The following TINAG variants were observed in gnomAD, a reference collection of about 807,000 sequenced individuals.
TINAG encodes tubulointerstitial nephritis antigen.
A neutral mutation model predicts 72.7 loss-of-function variants in TINAG; 83 were observed. The ratio of observed to expected loss-of-function variants is 1.14; its 90% CI spans 0.96 to 1.37. The LOEUF is 1.37. Ranked by LOEUF, TINAG falls within the 40% of genes most tolerant of loss-of-function variation. The pLI, the probability that TINAG is intolerant of heterozygous loss-of-function variation, is 0.00. For synonymous variants in TINAG, 234 were observed against 189.9 expected (o/e 1.23, Z -1.91); for missense variants, 685 against 576.6 (o/e 1.19, Z -1.93).
chr6:54,317,233 G>T (rs192109416), intron 1 of TINAG, among the ~76,000 whole-genome samples: 2 of 149,102 alleles, frequency 1.3e-5, no homozygotes, highest in African/African-American at 5.0e-5. Context: ...ATTCTCTCTC[G>T]CTTTCTTGCT....
At chr6:54,363,482 G>T (rs140489656) in intron 9 of TINAG, among the ~76,000 whole-genome samples, 1 of 151,342 alleles carries the variant, frequency 6.6e-6, no homozygotes, top group Non-Finnish European at 1.5e-5. Flanking sequence ...ATGGGGCATG[G>T]TGAAGGAGAA....
upstream of TINAG, chr6:54,308,161 A>G (rs2297982): frequency 0.055 from 83,627 of 1,533,872 alleles, 4,944 homozygotes; most frequent in East Asian, 0.29. Flanking sequence ...TGGTTATTAC[A>G]GCCATAATCT....
At chr6:54,360,533 A>T (rs1763194223) in intron 9 of TINAG, among the ~76,000 whole-genome samples, 1 of 151,614 alleles carries the variant, frequency 6.6e-6, no homozygotes. Context: ...CCACATCTCC[A>T]TGCCCATTAG....
chr6:54,380,175 C>T (rs531852529), intron 9 of TINAG, among the ~76,000 whole-genome samples: 1 of 152,180 alleles, frequency 6.6e-6, no homozygotes, highest in East Asian at 1.9e-4. Flanking sequence ...TCCAGTCTAT[C>T]ATTGATGGGC....
chr6:54,355,500 C>T (rs147601295), intron 9 of TINAG, among the ~76,000 whole-genome samples: 1 of 151,826 alleles, frequency 6.6e-6, no homozygotes, highest in South Asian at 2.1e-4. Context: ...GACAAGCTGT[C>T]CTGTGTGATG....
rs549534426 is a variant in TINAG, at chr6:54,321,877, C to T, written c.509+491C>T. ...TGTCACTTACGGTTGAATCAAAAGA[C>T]AGATTGAGCTACTTTACTTTGCTAG... On this transcript the variant is annotated intron_variant, in intron 3 of 10. Transcript: ENST00000259782. Among the ~76,000 whole-genome samples the T allele has an allele frequency of 2.6e-5, 4 of 152,218 alleles. No individual in the cohort carries two copies. The East Asian group carries it at 5.8e-4, about 22-fold the overall frequency.
At chr6:54,314,947 G>A (rs1288764234) in intron 1 of TINAG, among the ~76,000 whole-genome samples, 1 of 152,100 alleles carries the variant, frequency 6.6e-6, no homozygotes, top group Non-Finnish European at 1.5e-5. Context: ...GTTCACATTA[G>A]ACTATAAATG....
chr6:54,326,398 AT>A (rs1215605279), intron 3 of TINAG, among the ~76,000 whole-genome samples: 1 of 151,884 alleles, frequency 6.6e-6, no homozygotes, highest in Non-Finnish European at 1.5e-5. Flanking sequence ...TACCTTGTCA[AT>A]TTCTTTTCAA....
intron 9 of TINAG, among the ~76,000 whole-genome samples, chr6:54,376,753 T>C (rs1157119094): frequency 6.6e-6 from 1 of 152,168 alleles, no homozygotes; most frequent in East Asian, 1.9e-4. Context: ...TTTAATACCT[T>C]ACTCTGCAGG....
At chr6:54,349,678 C>T in intron 6 of TINAG, 38 bp from the exon 7 acceptor site, 1 of 1,479,038 alleles carries the variant, frequency 6.8e-7, no homozygotes, top group Middle Eastern at 1.8e-4. Context: ...CGACATTCTC[C>T]TAAATATTAC....
chr6:54,357,667 A>G (rs1156401027), intron 9 of TINAG, among the ~76,000 whole-genome samples: 1 of 151,810 alleles, frequency 6.6e-6, no homozygotes, highest in Non-Finnish European at 1.5e-5. Flanking sequence ...TGGCCCTTTC[A>G]ACGTATATCC....
intron 9 of TINAG, among the ~76,000 whole-genome samples, chr6:54,357,355 A>G (rs150892483): frequency 1.4e-3 from 210 of 151,982 alleles, no homozygotes; most frequent in African/African-American, 4.8e-3. Flanking sequence ...AGTGCCATCT[A>G]AAAGCTGACA....
At chr6:54,359,909 A>T (rs1763168791) in intron 9 of TINAG, among the ~76,000 whole-genome samples, 1 of 151,726 alleles carries the variant, frequency 6.6e-6, no homozygotes, top group Non-Finnish European at 1.5e-5. Context: ...CTTATCAGAG[A>T]ACTTAATATA....
At chr6:54,322,611 C>G (rs1784518467) in intron 3 of TINAG, among the ~76,000 whole-genome samples, 1 of 152,026 alleles carries the variant, frequency 6.6e-6, no homozygotes, top group Admixed American at 6.6e-5. Flanking sequence ...ATGTTGTTTC[C>G]CAGCATAATG....
At chr6:54,374,046 G>GT (rs1398613516) in intron 9 of TINAG, among the ~76,000 whole-genome samples, 1 of 152,070 alleles carries the variant, frequency 6.6e-6, no homozygotes, top group East Asian at 1.9e-4. Flanking sequence ...TCTACAGCAG[G>GT]TCATTCTGAC....
At chr6:54,362,038 G>A (rs756680478) in intron 9 of TINAG, among the ~76,000 whole-genome samples, 4 of 151,580 alleles carry the variant, frequency 2.6e-5, no homozygotes, top group East Asian at 3.9e-4. Context: ...AAAGGAGGCC[G>A]TCTTCATAAT....
chr6:54,359,882 C>A (rs999170593), intron 9 of TINAG, among the ~76,000 whole-genome samples: 7 of 151,708 alleles, frequency 4.6e-5, no homozygotes, highest in African/African-American at 1.7e-4. Context: ...TCAAATAGCT[C>A]AAGTAAGTAA....
intron 8 of TINAG, 61 bp from the exon 9 acceptor site, chr6:54,354,452 G>T: frequency 6.8e-7 from 1 of 1,468,300 alleles, no homozygotes; most frequent in Non-Finnish European, 9.1e-7. Flanking sequence ...GAAATTTTCT[G>T]GTGGTTTTTA....
intron 2 of TINAG, 105 bp downstream of exon 2, chr6:54,320,747 G>A (rs1162087122): frequency 2.4e-6 from 2 of 830,284 alleles, no homozygotes; most frequent in Middle Eastern, 5.3e-4. Flanking sequence ...GTACATATAG[G>A]CAGAATCATA....
Sources: allele counts gnomAD v4.1 joint callset (sites outside exome capture counted in the v4.1 genomes callset), GRCh38; gene constraint gnomAD v4.1.1; transcripts MANE v1.5; gene names NCBI Gene and HGNC (gene_info 2026-07-23, HGNC 2026-07-21).